The following DOP1B variants were observed in gnomAD, a reference collection of about 807,000 sequenced individuals.
DOP1B encodes the protein DOP1 leucine zipper like protein B, also known as protein DOP1B.
In DOP1B, 174 loss-of-function variants were observed where a neutral mutation model predicts 233.5. The observed-to-expected ratio is 0.75, with a 90% confidence interval of 0.66 to 0.85. DOP1B has a LOEUF of 0.85. Ranked by LOEUF, DOP1B falls within the 40% of genes least tolerant of loss-of-function variation. The probability of loss-of-function intolerance (pLI) is 0.00; values close to 1 mark genes in which losing one functional copy is unlikely to be tolerated. For missense variants in DOP1B, 2,652 were observed against 2,846.6 expected (o/e 0.93, Z 1.56); for synonymous variants, 1,190 against 1,185.6 (o/e 1.00, Z -0.08).
chr21:36,212,367 C>T (rs562063838), intron 7 of DOP1B, among the ~76,000 whole-genome samples: 1 of 152,228 alleles, frequency 6.6e-6, no homozygotes, highest in African/African-American at 2.4e-5. Flanking sequence ...GAAATACCAC[C>T]AAAAAGTGGT....
chr21:36,270,585 A>G (rs2067277335), intron 27 of DOP1B, among the ~76,000 whole-genome samples: 1 of 140,378 alleles, frequency 7.1e-6, no homozygotes, highest in Non-Finnish European at 1.5e-5. Flanking sequence ...AAAAGTATTT[A>G]GAGCAGTGAC....
chr21:36,204,992 A>G (rs1286791635), intron 4 of DOP1B, among the ~76,000 whole-genome samples: 1 of 152,148 alleles, frequency 6.6e-6, no homozygotes, highest in Non-Finnish European at 1.5e-5. Flanking sequence ...CACTGTGATC[A>G]TGATCTGTGC....
At chr21:36,200,896 G>A (rs936993059) in intron 4 of DOP1B, among the ~76,000 whole-genome samples, 2 of 152,014 alleles carry the variant, frequency 1.3e-5, no homozygotes, top group East Asian at 1.9e-4. Flanking sequence ...GCAGCAGTAG[G>A]TGTGGAGGTC....
At chr21:36,214,284 T>C in intron 8 of DOP1B, 94 bp downstream of exon 8, 1 of 1,287,458 alleles carries the variant, frequency 7.8e-7, no homozygotes, top group South Asian at 1.3e-5. Flanking sequence ...GTGAGCACGT[T>C]CCTTGGCCCC....
At chr21:36,211,683 T>C in intron 6 of DOP1B, 32 bp downstream of exon 6, 1 of 1,603,038 alleles carries the variant, frequency 6.2e-7, no homozygotes, top group Non-Finnish European at 8.5e-7. Flanking sequence ...GGTAAGTCAC[T>C]GGTGTTTCCC....
intron 2 of DOP1B, among the ~76,000 whole-genome samples, chr21:36,194,700 T>C (rs2066269360): frequency 6.6e-6 from 1 of 152,086 alleles, no homozygotes; most frequent in Non-Finnish European, 1.5e-5. Flanking sequence ...TTGGCCAGGC[T>C]GGTCTCAAAC....
chr21:36,291,061 A>G (rs1047722597), intron 35 of DOP1B, among the ~76,000 whole-genome samples: 3 of 152,096 alleles, frequency 2.0e-5, no homozygotes, highest in Non-Finnish European at 4.4e-5. Context: ...CAGGAGTTCA[A>G]GACCAGCCAG....
intron 2 of DOP1B, among the ~76,000 whole-genome samples, chr21:36,185,387 T>C (rs935912314): frequency 2.0e-5 from 3 of 152,322 alleles, no homozygotes; most frequent in African/African-American, 7.2e-5. Context: ...CCATTTTTCA[T>C]CACTTCTGAG....
In DOP1B at chr21:36,200,384, T is replaced by C. The variant is rs1459048223; in HGVS notation, c.374T>C (p.Leu125Pro). The C allele has an allele frequency of 1.7e-5, 27 of 1,613,424 alleles. No individual in the cohort carries two copies. The highest frequency in any genetic ancestry group is 2.2e-5 in the Non-Finnish European group (26 of 1,179,942). ...GCGGCGGTGTCGGTGAGGCCGGTGCTGCTCACCCTGTACGAGAAGTACTTC... is the reference window on the plus strand; with the variant it reads ...GCGGCGGTGTCGGTGAGGCCGGTGCCGCTCACCCTGTACGAGAAGTACTTC... ...AHAAVSVRPV[L>P]LTLYEKYFLP... The change falls in exon 4 of 37, where the codon CTG becomes CCG. Residue 125 changes from leucine to proline, a missense_variant. Physicochemically the swap from Leu to Pro is moderately conservative, Grantham distance 98. This residue lies in a region of DOP1B where 2,617 missense variants were observed against 2,794.3 expected (regional missense o/e 0.94). Transcript: ENST00000691173.
In DOP1B at chr21:36,270,153, G is replaced by A; in HGVS notation, c.5628G>A (p.Leu1876=). The change falls in exon 27 of 37, where the codon CTG becomes CTA. Residue 1876 remains leucine (L), a synonymous_variant. Coordinates refer to ENST00000691173, the MANE Select transcript of DOP1B (RefSeq NM_001320714.2). ...SLEESDAEED[L]YDAAAASAMV... is the part of the protein sequence containing the mutation. ...AAGAATCTGATGCTGAGGAGGACCTGTATGGTAGGTGGAGATGGGTTGGCT... is the reference window on the plus strand; with the variant it reads ...AAGAATCTGATGCTGAGGAGGACCTATATGGTAGGTGGAGATGGGTTGGCT... 6.2e-7 allele frequency: 1 copy of A among 1,613,854 alleles called. No individual in the cohort carries two copies. The highest frequency in any genetic ancestry group is 1.1e-5 in the South Asian group (1 of 91,038).
intron 2 of DOP1B, among the ~76,000 whole-genome samples, chr21:36,192,180 G>A (rs1423763951): frequency 1.3e-5 from 2 of 151,948 alleles, no homozygotes; most frequent in African/African-American, 2.4e-5. Context: ...GCAACATGGC[G>A]AAACCCCATC....
chr21:36,256,685 T>G (rs1394612510), intron 23 of DOP1B, among the ~76,000 whole-genome samples: 3 of 151,264 alleles, frequency 2.0e-5, no homozygotes, highest in Non-Finnish European at 1.5e-5. Flanking sequence ...TGTCAGATCC[T>G]CAACATGGAT....
At chr21:36,255,707 C>T (rs192724986) in intron 23 of DOP1B, among the ~76,000 whole-genome samples, 40 of 152,242 alleles carry the variant, frequency 2.6e-4, no homozygotes, top group Admixed American at 5.9e-4. Flanking sequence ...GCTGGGATTA[C>T]GGGCGAGAGC....
rs796416313 is a variant in DOP1B, at chr21:36,233,194, G to A, written c.2622+119G>A. 6.7e-5 allele frequency: 87 copies of A among 1,296,494 alleles called. 1 individual carries two copies. In the African/African-American group the frequency reaches 1.1e-3, roughly 17 times the overall value. 80.3% of individuals were successfully genotyped at this position (1,296,494 alleles called of 1,614,324 possible). A position where few individuals can be genotyped will look rare whatever the true frequency, so the allele number is the denominator to read the frequency against. On this transcript the variant is annotated intron_variant, in intron 15 of 36. Coordinates refer to ENST00000691173, the MANE Select transcript of DOP1B (RefSeq NM_001320714.2). ...TTCTCTGAGAGTGATATTCTATAGG[G>A]CACTGGGCAGAGGCAGTAGCCTTTG...
At chr21:36,223,130 A>C in intron 10 of DOP1B, 101 bp from the exon 11 acceptor site, 1 of 1,245,936 alleles carries the variant, frequency 8.0e-7, no homozygotes, top group Non-Finnish European at 1.1e-6. Flanking sequence ...CTTCTCTAGA[A>C]ATAAGTTGCA....
In DOP1B at chr21:36,164,745, A is replaced by C; in HGVS notation, c.12A>C (p.Glu4Asp). Residue 4 changes from glutamate (E) to aspartate (D), a missense_variant, in exon 2 of 37, where the codon GAA becomes GAC. Coordinates refer to ENST00000691173, the MANE Select transcript of DOP1B (RefSeq NM_001320714.2). Reference sequence around the variant, plus strand: ...TGTGAGAATGTAAGATGGATCCAGAAGAGCAGGAGCTCTTAAATGATTACA... The same window carrying C: ...TGTGAGAATGTAAGATGGATCCAGACGAGCAGGAGCTCTTAAATGATTACA... MDP[E>D]EQELLNDYRY... 1 of 1,597,680 alleles carries C rather than the reference A, an allele frequency of 6.3e-7. No individual in the cohort carries two copies. Among genetic ancestry groups the C allele is most frequent in the Non-Finnish European group, 8.5e-7 (1 of 1,174,970 alleles).
At chr21:36,162,962 G>C (rs1400032447) in intron 1 of DOP1B, among the ~76,000 whole-genome samples, 2 of 152,140 alleles carry the variant, frequency 1.3e-5, no homozygotes. Context: ...AGTGGAGGCT[G>C]CTAGGCTGCT....
At position 36,227,849 on chromosome 21, in the gene DOP1B, T is replaced by C; in HGVS notation, c.1637T>C (p.Leu546Pro). The C allele has an allele frequency of 1.2e-6, 2 of 1,606,356 alleles. No individual in the cohort carries two copies. Among genetic ancestry groups the C allele is most frequent in the Non-Finnish European group, 1.7e-6 (2 of 1,174,552 alleles). The change falls in exon 13 of 37, where the codon CTC (leucine) becomes CCC (proline). Residue 546 changes from leucine to proline, a missense_variant. Around this residue, in one of 3 missense-constraint regions of DOP1B, gnomAD observed 2,617 missense variants for 2,794.3 expected, o/e 0.94. Coordinates refer to ENST00000691173, the MANE Select transcript of DOP1B (RefSeq NM_001320714.2). ...AAAGTCCAGATGCCTCCTTCCTACCTCGACACGGAGTCCACCAGCGGAACC... is the reference window on the plus strand; with the variant it reads ...AAAGTCCAGATGCCTCCTTCCTACCCCGACACGGAGTCCACCAGCGGAACC... ...LSKVQMPPSY[L>P]DTESTSGTSS... is the part of the protein sequence containing the mutation.
chr21:36,292,364 C>A, intron 36 of DOP1B, 131 bp downstream of exon 36: 2 of 681,220 alleles, frequency 2.9e-6, no homozygotes, highest in East Asian at 3.0e-5. Flanking sequence ...TCAAGTGATT[C>A]TCCTGCCTCA....
Sources: allele counts gnomAD v4.1 joint callset (sites outside exome capture counted in the v4.1 genomes callset), GRCh38; gene constraint gnomAD v4.1.1; regional missense constraint gnomAD v4.1.1; transcripts MANE v1.5; gene names NCBI Gene and HGNC (gene_info 2026-07-23, HGNC 2026-07-21).